TMEM232: variants seen among roughly 807,000 people sequenced by gnomAD.
TMEM232 encodes the protein transmembrane protein 232.
In TMEM232, 80 loss-of-function variants were observed where a neutral mutation model predicts 78.8. The ratio of observed to expected loss-of-function variants is 1.01; its 90% CI spans 0.85 to 1.22. The LOEUF (loss-of-function observed/expected upper bound fraction) is 1.22. Among genes scored for constraint, TMEM232 ranks in the 50% most tolerant of loss-of-function variants. The probability of loss-of-function intolerance (pLI) is 0.00; values close to 1 mark genes in which losing one functional copy is unlikely to be tolerated. For synonymous variants in TMEM232, 297 were observed against 254.3 expected (o/e 1.17, Z -1.60); for missense variants, 881 against 742.2 (o/e 1.19, Z -2.17).
intron 12 of TMEM232, among the ~76,000 whole-genome samples, chr5:110,451,366 GT>G (rs1292251511): frequency 9.9e-5 from 15 of 152,090 alleles, no homozygotes; most frequent in African/African-American, 3.4e-4. Flanking sequence ...AGATGTTGCT[GT>G]TTTTAATGAA....
At chr5:110,526,025 C>CAAAAAAAAAAAA (rs758110596) in intron 12 of TMEM232, among the ~76,000 whole-genome samples, 1 of 47,810 alleles carries the variant, frequency 2.1e-5, no homozygotes, top group African/African-American at 8.4e-5. Context: ...CACCATACAC[C>CAAAAAAAAAAAA]AAAAAAAAAA....
upstream of TMEM232, among the ~76,000 whole-genome samples, chr5:110,730,542 T>C (rs1386710530): frequency 6.6e-6 from 1 of 152,222 alleles, no homozygotes; most frequent in Non-Finnish European, 1.5e-5. Flanking sequence ...TGAGGTTTAA[T>C]TGGACTTACA....
At chr5:110,632,688 T>C (rs1036903376) in intron 5 of TMEM232, among the ~76,000 whole-genome samples, 1 of 151,938 alleles carries the variant, frequency 6.6e-6, no homozygotes, top group Non-Finnish European at 1.5e-5. Flanking sequence ...TGTCTTTTGA[T>C]ATAACTTGGA....
intron 4 of TMEM232, 152 bp downstream of exon 4, chr5:110,640,739 C>A (rs1168098519): frequency 2.3e-6 from 1 of 427,766 alleles, no homozygotes; most frequent in Non-Finnish European, 4.0e-6. Flanking sequence ...TTCAAAATTA[C>A]AAAATGAATT....
intron 12 of TMEM232, among the ~76,000 whole-genome samples, chr5:110,481,842 A>G (rs971381524): frequency 1.3e-5 from 2 of 152,136 alleles, no homozygotes; most frequent in African/African-American, 4.8e-5. Context: ...ATAAGAACAC[A>G]GGCTAAAAAA....
chr5:110,640,741 A>G, intron 4 of TMEM232, 150 bp downstream of exon 4: 1 of 437,064 alleles, frequency 2.3e-6, no homozygotes, highest in Non-Finnish European at 3.9e-6. Context: ...CAAAATTACA[A>G]AATGAATTTT....
chr5:110,483,500 CA>C (rs1337236896), intron 12 of TMEM232, among the ~76,000 whole-genome samples: 1 of 151,110 alleles, frequency 6.6e-6, no homozygotes, highest in Non-Finnish European at 1.5e-5. Flanking sequence ...ATCACAAGGA[CA>C]AAAAACCAAA....
At position 110,568,442 on chromosome 5, in the gene TMEM232, C is replaced by T. The variant is rs182091276; in HGVS notation, c.1455+5G>A. On this transcript the variant is annotated splice_donor_5th_base_variant and intron_variant, in intron 11 of 13. Coordinates refer to ENST00000455884, the MANE Select transcript of TMEM232 (RefSeq NM_001039763.4). Reference sequence around the variant, plus strand: ...ACATATTTATTGCCCAGTGTTTTACCTTACCTGAGCTATATTGATTGCATT... The same window carrying T: ...ACATATTTATTGCCCAGTGTTTTACTTTACCTGAGCTATATTGATTGCATT... The T allele has an allele frequency of 6.5e-7, 1 of 1,531,210 alleles. No homozygotes were observed. Among genetic ancestry groups the T allele is most frequent in the Non-Finnish European group, 8.8e-7 (1 of 1,139,892 alleles). 94.9% of individuals were successfully genotyped at this position (1,531,210 alleles called of 1,614,324 possible).
intron 8 of TMEM232, among the ~76,000 whole-genome samples, chr5:110,609,653 C>T (rs1051434217): frequency 6.6e-6 from 1 of 151,984 alleles, no homozygotes; most frequent in Non-Finnish European, 1.5e-5. Context: ...GCATTTTTTC[C>T]TCACAGGTAA....
At chr5:110,610,261 A>AGGGAGGAG (rs1782076511) in intron 8 of TMEM232, among the ~76,000 whole-genome samples, 1 of 143,468 alleles carries the variant, frequency 7.0e-6, no homozygotes, top group Non-Finnish European at 1.5e-5. Context: ...GAAGGGAGGA[A>AGGGAGGAG]GGGAGGAAGG....
chr5:110,692,377 C>T (rs574176166), intron 1 of TMEM232, among the ~76,000 whole-genome samples: 17 of 152,304 alleles, frequency 1.1e-4, no homozygotes, highest in East Asian at 3.9e-4. Flanking sequence ...AAGTGAGCAA[C>T]GCAGAAGATG....
At chr5:110,443,354 T>C (rs1259535926) in intron 12 of TMEM232, among the ~76,000 whole-genome samples, 2 of 152,166 alleles carry the variant, frequency 1.3e-5, no homozygotes, top group East Asian at 3.9e-4. Flanking sequence ...CCTCTCCTTG[T>C]GGCCACTAAT....
At chr5:110,687,725 C>T (rs981740783) in intron 1 of TMEM232, among the ~76,000 whole-genome samples, 23 of 151,968 alleles carry the variant, frequency 1.5e-4, no homozygotes, top group Admixed American at 1.4e-3. Flanking sequence ...TCTCTCTATA[C>T]ATGTGTGTGT....
At chr5:110,737,380 T>TA (rs1422738506) in intron 1 of TMEM232, among the ~76,000 whole-genome samples, 6 of 152,146 alleles carry the variant, frequency 3.9e-5, no homozygotes, top group Admixed American at 2.6e-4. Flanking sequence ...CAGAAACATG[T>TA]AAAAAACCCC....
chr5:110,678,754 T>C (rs1025931243), intron 1 of TMEM232, among the ~76,000 whole-genome samples: 3 of 152,156 alleles, frequency 2.0e-5, no homozygotes, highest in African/African-American at 7.2e-5. Flanking sequence ...TTTTCCAGAA[T>C]GTCTTATAGT....
chr5:110,420,623 T>G lies in TMEM232; in HGVS notation c.1931A>C (p.Gln644Pro). The stretch of plus-strand genomic sequence containing the variant: ...ATAAGGAAGTTCATAGGGCTTGGTT[T>G]GCTTATGTAGTTTCTCTTCTCTTTT... ...MKKREEKLHK[Q>P]TKPYELPYRK... Residue 644 changes from glutamine (Q) to proline (P), a missense_variant, in exon 14 of 14, where the codon CAA becomes CCA. Physicochemically the swap from Gln to Pro is moderately conservative, Grantham distance 76. Transcript: ENST00000455884. 1.3e-6 allele frequency: 2 copies of G among 1,509,468 alleles called. No individual in the cohort carries two copies. The highest frequency in any genetic ancestry group is 1.8e-6 in the Non-Finnish European group (2 of 1,139,430). The allele number at this position is 1,509,468 out of a possible 1,614,324, so 93.5% of individuals were successfully genotyped here.
intron 11 of TMEM232, among the ~76,000 whole-genome samples, chr5:110,565,779 T>C (rs1472589569): frequency 6.6e-6 from 1 of 151,966 alleles, no homozygotes; most frequent in Non-Finnish European, 1.5e-5. Flanking sequence ...ATAACAATGT[T>C]AAATATTAGC....
intron 3 of TMEM232, among the ~76,000 whole-genome samples, chr5:110,394,252 A>G (rs546724954): frequency 2.6e-5 from 4 of 152,240 alleles, no homozygotes; most frequent in South Asian, 2.1e-4. Flanking sequence ...ATAACCTCCA[A>G]TTGCATCTAT....
intron 12 of TMEM232, among the ~76,000 whole-genome samples, chr5:110,425,409 A>C (rs1757122630): frequency 6.6e-6 from 1 of 152,042 alleles, no homozygotes; most frequent in African/African-American, 2.4e-5. Context: ...ATTATGAAGA[A>C]ATTGTGTGAA....
Sources: gnomAD v4.1 joint callset for allele counts (sites outside exome capture counted in the v4.1 genomes callset) on GRCh38, gnomAD v4.1.1 for gene constraint, MANE v1.5 for transcripts, NCBI Gene and HGNC (gene_info 2026-07-23, HGNC 2026-07-21) for gene names.